LRSAM1: variants seen among roughly 807,000 people sequenced by gnomAD.
LRSAM1 encodes E3 ubiquitin-protein ligase LRSAM1.
A neutral mutation model predicts 118.1 loss-of-function variants in LRSAM1; 96 were observed. The observed-to-expected ratio is 0.81, with a 90% CI of 0.69 to 0.96. The LOEUF (loss-of-function observed/expected upper bound fraction) is 0.96, where lower values mean the gene tolerates loss of function less well. Ranked by LOEUF, LRSAM1 falls within the 40% of genes least tolerant of loss-of-function variation. LRSAM1 has a pLI of 0.00. For synonymous variants in LRSAM1, 322 were observed against 364.2 expected (o/e 0.88, Z 1.32); for missense variants, 804 against 915.5 (o/e 0.88, Z 1.57).
chr9:127,496,972 T>G (rs1339663547), intron 23 of LRSAM1, among the ~76,000 whole-genome samples: 1 of 152,264 alleles, frequency 6.6e-6, no homozygotes, highest in Non-Finnish European at 1.5e-5. Context: ...AAGCAGTTGC[T>G]AAACCATAGC....
At chr9:127,487,468 C>T (rs1588128564) in intron 17 of LRSAM1, 1 of 531,810 alleles carries the variant, frequency 1.9e-6, no homozygotes, top group Admixed American at 2.6e-5. Flanking sequence ...TCTCTCCCAG[C>T]TCCCAACTCG....
At position 127,501,033 on chromosome 9, in the gene LRSAM1, G is replaced by A. The variant is rs748358043; in HGVS notation, c.1936G>A (p.Val646Ile). The A allele has an allele frequency of 3.1e-6, 5 of 1,613,996 alleles. No individual in the cohort carries two copies. The highest frequency in any genetic ancestry group is 4.2e-6 in the Non-Finnish European group (5 of 1,180,026). ...QPELKPPMGE[V>I]VTPTAPQEPP... ...AGAGCTGAAACCACCAATGGGTGAG[G>A]TCGTCACCCCTACGGCCCCCCAGGA... Residue 646 changes from valine (V) to isoleucine (I), a missense_variant, in exon 25 of 26, where the codon GTC becomes ATC. By Grantham distance (29) the Val-to-Ile change is conservative (BLOSUM62 3). Transcript: ENST00000300417.
At chr9:127,473,229 T>C (rs1330993487) in intron 10 of LRSAM1, among the ~76,000 whole-genome samples, 1 of 152,198 alleles carries the variant, frequency 6.6e-6, no homozygotes, top group Non-Finnish European at 1.5e-5. Flanking sequence ...AACTTACAAC[T>C]TGTTTACCCC....
chr9:127,487,445 A>T (rs1835773853), intron 17 of LRSAM1: 1 of 484,860 alleles, frequency 2.1e-6, no homozygotes, highest in Non-Finnish European at 3.9e-6. Flanking sequence ...GGGTGAGAGG[A>T]CCTGGAAGCA....
intron 11 of LRSAM1, among the ~76,000 whole-genome samples, chr9:127,477,449 C>T (rs756499519): frequency 7.2e-5 from 11 of 152,142 alleles, no homozygotes; most frequent in Non-Finnish European, 1.5e-4. Flanking sequence ...ATAGAAGGAC[C>T]ATTCAAAAAA....
intron 14 of LRSAM1, 96 bp downstream of exon 14, chr9:127,480,074 C>T: frequency 6.4e-7 from 1 of 1,551,056 alleles, no homozygotes; most frequent in Non-Finnish European, 8.9e-7. Flanking sequence ...CTGCCTCTGC[C>T]CCTGCCCCGG....
At chr9:127,495,258 CATT>C (rs1836084824) in intron 21 of LRSAM1, 59 bp from the exon 22 acceptor site, 12 of 1,520,358 alleles carry the variant, frequency 7.9e-6, no homozygotes, top group Non-Finnish European at 1.0e-5. Flanking sequence ...TGGCAACCAT[CATT>C]GTTATTACAG....
chr9:127,483,379 C>T (rs1217628019), intron 16 of LRSAM1, among the ~76,000 whole-genome samples: 4 of 151,642 alleles, frequency 2.6e-5, no homozygotes, highest in African/African-American at 9.7e-5. Flanking sequence ...CCCAGGAGTT[C>T]AAGGCTGCAG....
Position 127,479,514 on chromosome 9 carries a change from G to A in LRSAM1, c.903+9G>A. On this transcript the variant is annotated intron_variant, in intron 13 of 25. Transcript: ENST00000300417. The stretch of plus-strand genomic sequence containing the variant: ...TTCAGACGGTCAAGGAGGTTTGTGA[G>A]CCGCCTGCTAGGGTCCAGCCTGGCT... The A allele has an allele frequency of 6.2e-7, 1 of 1,613,542 alleles. No individual in the cohort carries two copies. The highest frequency in any genetic ancestry group is 8.5e-7 in the Non-Finnish European group (1 of 1,179,864).
At position 127,451,559 on chromosome 9, in the gene LRSAM1, T is replaced by C. The variant is rs767137099; in HGVS notation, c.-299T>C. 1.8e-6 allele frequency: 1 copy of C among 567,684 alleles called. No homozygotes were observed. Among genetic ancestry groups the C allele is most frequent in the Non-Finnish European group, 3.2e-6 (1 of 316,044 alleles). The allele number at this position is 567,684 out of a possible 1,614,324, so 35.2% of individuals were successfully genotyped here. ...ACGGCTGGCAAGCAGGGCACCGCGG[T>C]GCGCTGAAGCTAGAGATTCCGAAAG... On this transcript the variant is annotated 5_prime_UTR_variant, in exon 1 of 26. Coordinates refer to ENST00000300417, the MANE Select transcript of LRSAM1 (RefSeq NM_001005373.4).
chr9:127,471,585 G>A (rs1050516590), intron 10 of LRSAM1, among the ~76,000 whole-genome samples: 14 of 150,654 alleles, frequency 9.3e-5, no homozygotes, highest in Admixed American at 4.6e-4. Context: ...TCGGGAGTTC[G>A]AGACCAGCCT....
At chr9:127,461,576 G>T (rs553011658) in intron 8 of LRSAM1, among the ~76,000 whole-genome samples, 1 of 152,236 alleles carries the variant, frequency 6.6e-6, no homozygotes, top group African/African-American at 2.4e-5. Flanking sequence ...CTCCTAAGGA[G>T]CCGCAGTAAG....
At chr9:127,463,198 C>CAAA (rs35181083) in intron 9 of LRSAM1, among the ~76,000 whole-genome samples, 20 of 98,704 alleles carry the variant, frequency 2.0e-4, no homozygotes, top group African/African-American at 4.8e-4. Context: ...GACTTTGTCT[C>CAAA]AAAAAAAAAA....
chr9:127,466,395 C>G (rs1355467838), intron 9 of LRSAM1, among the ~76,000 whole-genome samples: 1 of 146,338 alleles, frequency 6.8e-6, no homozygotes, highest in African/African-American at 2.5e-5. Flanking sequence ...ATAGATATCC[C>G]TCCAATTTTT....
Position 127,502,786 on chromosome 9 carries a change from TTCC to T in LRSAM1, c.2062_2064del (p.Leu688del), listed in dbSNP as rs1484852924. On this transcript the variant is annotated inframe_deletion, in exon 26 of 26. Transcript: ENST00000300417. ...TCTCCCTCCCCAGGCCCAGATGATCTTCCTCAACTGTGGCCACGTCTGCTGCTG... is the reference window on the plus strand; with the variant it reads ...TCTCCCTCCCCAGGCCCAGATGATCTTCAACTGTGGCCACGTCTGCTGCTG... 3 of 1,612,482 alleles carry T rather than the reference TTCC, an allele frequency of 1.9e-6. No homozygotes were observed. The African/African-American group carries it at 4.0e-5, about 22-fold the overall frequency.
intron 17 of LRSAM1, chr9:127,487,407 G>T: frequency 2.4e-6 from 1 of 414,822 alleles, no homozygotes; most frequent in South Asian, 2.0e-5. Flanking sequence ...TCCGGGGGGT[G>T]CTGGGGAGGG....
intron 15 of LRSAM1, among the ~76,000 whole-genome samples, chr9:127,481,438 C>T (rs756847437): frequency 1.3e-5 from 2 of 151,816 alleles, no homozygotes; most frequent in African/African-American, 2.4e-5. Context: ...TTAGTAGAGA[C>T]GGGGTTTCAC....
intron 11 of LRSAM1, among the ~76,000 whole-genome samples, chr9:127,474,356 C>T (rs983583742): frequency 3.3e-5 from 5 of 151,696 alleles, no homozygotes; most frequent in African/African-American, 1.2e-4. Context: ...CAGCCTTAAC[C>T]TCCTGGGCTT....
At chr9:127,467,540 A>G (rs1275520145) in intron 9 of LRSAM1, among the ~76,000 whole-genome samples, 200 bp from the exon 10 acceptor site, 1 of 152,208 alleles carries the variant, frequency 6.6e-6, no homozygotes, top group Non-Finnish European at 1.5e-5. Context: ...AAAACAAGGT[A>G]GGGCATCACA....
Sources: gnomAD v4.1 joint callset for allele counts (sites outside exome capture counted in the v4.1 genomes callset) on GRCh38, gnomAD v4.1.1 for gene constraint, MANE v1.5 for transcripts, NCBI Gene and HGNC (gene_info 2026-07-23, HGNC 2026-07-21) for gene names.